Variants in XK observed in about 807,000 individuals in gnomAD.
XK encodes the protein X-linked Kx blood group antigen, Kell and VPS13A binding protein.
XK carries 2 observed loss-of-function variants against 14.0 expected under a neutral mutation model. The observed-to-expected ratio is 0.14, with a 90% confidence interval of 0.06 to 0.45. XK has a LOEUF of 0.45. Among genes scored for constraint, XK ranks in the 20% least tolerant of loss-of-function variants. XK has a pLI of 0.98. For missense variants in XK, 235 were observed against 341.5 expected (o/e 0.69, Z 2.46); for synonymous variants, 149 against 147.5 (o/e 1.01, Z -0.08).
At chrX:37,693,137 T>G (rs139411348) in intron 1 of XK, among the ~76,000 whole-genome samples, 61 of 112,119 alleles carry the variant, frequency 5.4e-4, no homozygotes, top group Admixed American at 1.5e-3. Flanking sequence ...ACATTCCAGT[T>G]GCCGTAGTCA....
intron 2 of XK, among the ~76,000 whole-genome samples, chrX:37,707,220 G>C (rs1337660314): frequency 9.1e-6 from 1 of 109,692 alleles, no homozygotes; most frequent in Non-Finnish European, 1.9e-5. Context: ...GGGCAGAGGT[G>C]ACCCCCACCT....
chrX:37,727,964 A>G lies in XK; in HGVS notation c.837A>G (p.Val279=), dbSNP rs1483699758. The change falls in exon 3 of 3, where the codon GTA becomes GTG. Residue 279 remains valine (V), a synonymous_variant. Coordinates refer to ENST00000378616, the MANE Select transcript of XK (RefSeq NM_021083.4). ...KALSRVGTTI[V]LCFLTLLYTG... ...TCAGTAGAGTGGGCACCACCATTGT[A>G]CTATGCTTTCTAACTTTACTCTATA... is the stretch of plus-strand genomic sequence containing the variant. 2 of 1,209,069 alleles carry G rather than the reference A, an allele frequency of 1.7e-6. No individual in the cohort carries two copies. Among genetic ancestry groups the G allele is most frequent in the African/African-American group, 1.8e-5 (1 of 56,895 alleles).
rs1185526687 is a variant in XK, at chrX:37,731,811, G to A, written c.*3349G>A. ...AATTTATCATTTTAGTATAGTTTTC[G>A]ATAAAGGATATAGCAACATCTTTTG... On this transcript the variant is annotated 3_prime_UTR_variant, in exon 3 of 3. Transcript: ENST00000378616. 6.3e-5 allele frequency: 7 copies of A among 111,911 alleles called. No homozygotes were observed. The highest frequency in any genetic ancestry group is 3.7e-4 in the South Asian group (1 of 2,712). The allele number at this position is 111,911 out of a possible 1,213,427, so 9.2% of individuals were successfully genotyped here. A position where few individuals can be genotyped will look rare whatever the true frequency, so the allele number is the denominator to read the frequency against.
At position 37,729,968 on chromosome X, in the gene XK, G is replaced by A. The variant is rs996329146; in HGVS notation, c.*1506G>A. On this transcript the variant is annotated 3_prime_UTR_variant, in exon 3 of 3. Coordinates refer to ENST00000378616, the MANE Select transcript of XK (RefSeq NM_021083.4). ...TTGATAATCAGTTTCCACTACATTC[G>A]GAGGTCAAGAAAGCAGTATATATTC... 7.2e-5 allele frequency: 8 copies of A among 111,452 alleles called. No homozygotes were observed. Among genetic ancestry groups the A allele is most frequent in the African/African-American group, 2.3e-4 (7 of 30,676 alleles). The allele number at this position is 111,452 out of a possible 1,213,427, so 9.2% of individuals were successfully genotyped here.
chrX:37,686,248 G>T (rs1196681581), intron 1 of XK, 42 bp downstream of exon 1: 2 of 1,192,949 alleles, frequency 1.7e-6, no homozygotes, highest in Non-Finnish European at 2.2e-6. Flanking sequence ...CCGCAGCCTC[G>T]GTCCTGTAGC....
At chrX:37,708,283 C>T (rs1411863538) in intron 2 of XK, among the ~76,000 whole-genome samples, 3 of 111,397 alleles carry the variant, frequency 2.7e-5, no homozygotes, top group Admixed American at 9.4e-5. Flanking sequence ...GGCTTGATCA[C>T]GGAGGAAGAA....
rs1556450325 is a variant in XK, at chrX:37,727,718, T to C, written c.591T>C (p.Asp197=). ...CNILAIKIKY[D]EYEVKVKPLA... ...TCCTAGCCATCAAAATCAAGTACGATGAGTATGAAGTCAAAGTGAAGCCTC... is the reference window on the plus strand; with the variant it reads ...TCCTAGCCATCAAAATCAAGTACGACGAGTATGAAGTCAAAGTGAAGCCTC... Residue 197 remains aspartate, a synonymous_variant, in exon 3 of 3, where the codon GAT becomes GAC. Coordinates refer to ENST00000378616, the MANE Select transcript of XK (RefSeq NM_021083.4). The C allele has an allele frequency of 1.7e-6, 2 of 1,210,780 alleles. No homozygotes were observed. The highest frequency in any genetic ancestry group is 5.9e-5 in the East Asian group (2 of 33,816).
At chrX:37,694,195 T>C in intron 1 of XK, 91 bp from the exon 2 acceptor site, 1 of 1,139,861 alleles carries the variant, frequency 8.8e-7, no homozygotes, top group South Asian at 1.9e-5. Context: ...AGTCAAGGCT[T>C]TAAGAATCAG....
intron 1 of XK, among the ~76,000 whole-genome samples, chrX:37,687,194 T>TACACACAC (rs36002435): frequency 4.4e-4 from 38 of 87,057 alleles, no homozygotes; most frequent in Non-Finnish European, 6.8e-4. Flanking sequence ...CTCTCTCTCT[T>TACACACAC]ACACACACAC....
chrX:37,718,874 A>G lies in XK; in HGVS notation c.509-8762A>G, dbSNP rs28998778. Among the ~76,000 whole-genome samples, 278 of 111,555 alleles carry G rather than the reference A, an allele frequency of 2.5e-3. 1 individual carries two copies. Among genetic ancestry groups the G allele is most frequent in the African/African-American group, 8.6e-3 (264 of 30,778 alleles). ...TGTGTGTGTGTATGTGCATGCATAC[A>G]CATGTGTGAAATGACTGTTCAGGTA... On this transcript the variant is annotated intron_variant, in intron 2 of 2. Coordinates refer to ENST00000378616, the MANE Select transcript of XK (RefSeq NM_021083.4).
chrX:37,697,007 A>G (rs1300111234), intron 2 of XK, among the ~76,000 whole-genome samples: 1 of 112,349 alleles, frequency 8.9e-6, no homozygotes, highest in Non-Finnish European at 1.9e-5. Context: ...TCCCTAACAG[A>G]AATGACTTTA....
At chrX:37,696,703 C>G (rs1246181029) in intron 2 of XK, among the ~76,000 whole-genome samples, 4 of 111,997 alleles carry the variant, frequency 3.6e-5, no homozygotes, top group African/African-American at 9.7e-5. Flanking sequence ...TAAAGTTAAC[C>G]TAGAGTTTAT....
chrX:37,689,535 G>A (rs151156968), intron 1 of XK, among the ~76,000 whole-genome samples: 2,610 of 111,927 alleles, frequency 0.023, 33 homozygotes, highest in Non-Finnish European at 0.037. Flanking sequence ...TAGATGCTGC[G>A]TTTGAGTTCA....
chrX:37,695,337 T>G (rs1310098978), intron 2 of XK, among the ~76,000 whole-genome samples: 1 of 111,909 alleles, frequency 8.9e-6, no homozygotes, highest in Non-Finnish European at 1.9e-5. Flanking sequence ...CTTTCCTGTC[T>G]TCTTAGACTT....
chrX:37,707,990 A>G (rs1030929232), intron 2 of XK, among the ~76,000 whole-genome samples: 6 of 112,778 alleles, frequency 5.3e-5, no homozygotes, highest in Non-Finnish European at 1.1e-4. Flanking sequence ...GATCACTCGC[A>G]GTTAGGAGCT....
intron 2 of XK, among the ~76,000 whole-genome samples, chrX:37,724,696 A>G (rs1189441695): frequency 9.0e-6 from 1 of 111,505 alleles, no homozygotes; most frequent in Non-Finnish European, 1.9e-5. Context: ...GACGCTCTCA[A>G]GAGAATAAAA....
rs1466275902 is a variant in XK at position 37,730,167 on chromosome X, A to G, written c.*1705A>G. ...CCAGGCAGTAGATCATTTTTTGTCTATTTTTAACCAAATAAGAATAACACT... is the reference window on the plus strand; with the variant it reads ...CCAGGCAGTAGATCATTTTTTGTCTGTTTTTAACCAAATAAGAATAACACT... On this transcript the variant is annotated 3_prime_UTR_variant, in exon 3 of 3. Coordinates refer to ENST00000378616, the MANE Select transcript of XK (RefSeq NM_021083.4). 1.8e-5 allele frequency: 2 copies of G among 111,571 alleles called. No individual in the cohort carries two copies. The highest frequency in any genetic ancestry group is 1.9e-4 in the Admixed American group (2 of 10,513). 9.2% of individuals were successfully genotyped at this position (111,571 alleles called of 1,213,427 possible). A position where few individuals can be genotyped will look rare whatever the true frequency, so the allele number is the denominator to read the frequency against.
At chrX:37,689,576 A>G (rs1927165636) in intron 1 of XK, among the ~76,000 whole-genome samples, 1 of 112,036 alleles carries the variant, frequency 8.9e-6, no homozygotes, top group Non-Finnish European at 1.9e-5. Flanking sequence ...AAACTGCAAT[A>G]CATTACACTA....
Position 37,729,279 on chromosome X carries a change from T to C in XK, c.*817T>C. On this transcript the variant is annotated 3_prime_UTR_variant, in exon 3 of 3. Transcript: ENST00000378616. ...CTCCTGCCTCCCCATTCCTTGCCTG[T>C]CAGGACCATTTTAGAAGAGTTACCT... is the stretch of plus-strand genomic sequence containing the variant. 1 of 111,571 alleles carries C rather than the reference T, an allele frequency of 9.0e-6. No individual in the cohort carries two copies. The highest frequency in any genetic ancestry group is 1.9e-5 in the Non-Finnish European group (1 of 53,074). 9.2% of individuals were successfully genotyped at this position (111,571 alleles called of 1,213,427 possible).
Sources: allele counts gnomAD v4.1 joint callset (sites outside exome capture counted in the v4.1 genomes callset), GRCh38; gene constraint gnomAD v4.1.1; transcripts MANE v1.5; gene names NCBI Gene and HGNC (gene_info 2026-07-23, HGNC 2026-07-21).